The following TAFA1 variants were observed in gnomAD, a reference collection of about 807,000 sequenced individuals.
TAFA1 encodes chemokine-like protein TAFA-1.
TAFA1 carries 4 observed loss-of-function variants against 18.5 expected under a neutral mutation model. The observed-to-expected ratio is 0.22, with a 90% confidence interval of 0.11 to 0.49. TAFA1 has a LOEUF of 0.49. Among genes scored for constraint, TAFA1 ranks in the 20% least tolerant of loss-of-function variants. The pLI is 0.98. For synonymous variants in TAFA1, 56 were observed against 55.2 expected (o/e 1.01, Z -0.06); for missense variants, 147 against 169.0 (o/e 0.87, Z 0.72).
intron 2 of TAFA1, among the ~76,000 whole-genome samples, chr3:68,260,007 T>G (rs9757614): frequency 0.035 from 5,382 of 152,230 alleles, 142 homozygotes; most frequent in Non-Finnish European, 0.054. Flanking sequence ...GGCATCCCTG[T>G]CTTGTGCCAG....
intron 2 of TAFA1, among the ~76,000 whole-genome samples, chr3:68,200,200 T>C (rs1448002989): frequency 6.6e-6 from 1 of 151,570 alleles, no homozygotes; most frequent in African/African-American, 2.4e-5. Flanking sequence ...TTGATTATAG[T>C]GCATAATTCT....
intron 2 of TAFA1, among the ~76,000 whole-genome samples, chr3:68,063,880 G>A (rs1430034780): frequency 6.6e-6 from 1 of 152,122 alleles, no homozygotes; most frequent in South Asian, 2.1e-4. Context: ...AAGGCTGTTC[G>A]GAACCAGTGT....
At chr3:68,128,718 T>C (rs915733523) in intron 2 of TAFA1, among the ~76,000 whole-genome samples, 32 of 152,288 alleles carry the variant, frequency 2.1e-4, no homozygotes, top group African/African-American at 7.5e-4. Context: ...ACTCTGGGAA[T>C]CATTTAGCCA....
intron 2 of TAFA1, among the ~76,000 whole-genome samples, chr3:68,370,472 GTATATATA>G (rs749877780): frequency 0.41 from 13,568 of 33,110 alleles, 2,189 homozygotes; most frequent in Middle Eastern, 0.56. Context: ...GTGTGTGTGT[GTATATATA>G]TATATATATA....
intron 3 of TAFA1, among the ~76,000 whole-genome samples, chr3:68,455,819 T>C (rs112247897): frequency 0.017 from 2,633 of 152,302 alleles, 68 homozygotes; most frequent in African/African-American, 0.06. Flanking sequence ...GTAACACCAA[T>C]GGCATCTTCA....
At chr3:68,040,054 G>A (rs1252449020) in intron 2 of TAFA1, among the ~76,000 whole-genome samples, 1 of 152,172 alleles carries the variant, frequency 6.6e-6, no homozygotes, top group Admixed American at 6.6e-5. Context: ...CTGCTGGTAT[G>A]TGGAACGACA....
chr3:68,074,983 T>A (rs1191502114), intron 2 of TAFA1, among the ~76,000 whole-genome samples: 1 of 152,184 alleles, frequency 6.6e-6, no homozygotes, highest in Non-Finnish European at 1.5e-5. Context: ...ACCTTCCCCA[T>A]GAACCTGGCA....
intron 2 of TAFA1, among the ~76,000 whole-genome samples, chr3:68,369,685 C>T (rs1241472094): frequency 6.6e-6 from 1 of 152,200 alleles, no homozygotes; most frequent in East Asian, 1.9e-4. Flanking sequence ...TTTGCCATCA[C>T]TCACTCTCAC....
At chr3:68,010,279 T>C (rs1046498430) in intron 2 of TAFA1, among the ~76,000 whole-genome samples, 1 of 152,286 alleles carries the variant, frequency 6.6e-6, no homozygotes, top group East Asian at 1.9e-4. Flanking sequence ...CATGGTAATA[T>C]TGATGGTATT....
chr3:68,529,013 AT>A (rs1037053761), intron 3 of TAFA1, among the ~76,000 whole-genome samples: 4 of 151,652 alleles, frequency 2.6e-5, no homozygotes, highest in African/African-American at 4.8e-5. Flanking sequence ...TATAGGCACT[AT>A]TTTTTTTCTC....
At chr3:68,528,481 T>C (rs1253462067) in intron 3 of TAFA1, among the ~76,000 whole-genome samples, 2 of 152,206 alleles carry the variant, frequency 1.3e-5, no homozygotes, top group Non-Finnish European at 2.9e-5. Flanking sequence ...GGGAAGGTTA[T>C]CCAATGCCTT....
intron 2 of TAFA1, among the ~76,000 whole-genome samples, chr3:68,302,985 A>T (rs1230723462): frequency 1.3e-5 from 2 of 152,200 alleles, no homozygotes; most frequent in Non-Finnish European, 2.9e-5. Context: ...TTAAAATGGG[A>T]AAAATATTAG....
rs536470346 is a variant in TAFA1 at position 68,183,342 on chromosome 3, C to T, written c.118+176598C>T. 7.2e-5 allele frequency among the ~76,000 whole-genome samples: 11 copies of T among 152,222 alleles called. No individual in the cohort carries two copies. In the South Asian group the frequency reaches 1.2e-3, roughly 17 times the overall value. ...CCATGATTGGACAGCAATGTCATAA[C>T]ATCAGGAAATAAGGAACCAGAAGTC... On this transcript the variant is annotated intron_variant, in intron 2 of 4. Coordinates refer to ENST00000478136, the MANE Select transcript of TAFA1 (RefSeq NM_213609.4).
chr3:68,389,098 A>G (rs1265777491), intron 2 of TAFA1, among the ~76,000 whole-genome samples: 2 of 152,296 alleles, frequency 1.3e-5, no homozygotes, highest in South Asian at 4.1e-4. Flanking sequence ...AGAGTTCTGT[A>G]TTTTTGAAGT....
intron 2 of TAFA1, among the ~76,000 whole-genome samples, chr3:68,328,105 A>T (rs1399842549): frequency 6.6e-6 from 1 of 152,188 alleles, no homozygotes; most frequent in African/African-American, 2.4e-5. Flanking sequence ...TTACATTTTG[A>T]CACTGGCTAG....
intron 2 of TAFA1, among the ~76,000 whole-genome samples, chr3:68,202,414 G>A (rs919338104): frequency 1.3e-5 from 2 of 151,436 alleles, no homozygotes; most frequent in East Asian, 2.0e-4. Context: ...TCTATTTACT[G>A]TTTATGTTCT....
intron 2 of TAFA1, among the ~76,000 whole-genome samples, chr3:68,065,740 G>GTATATATATA (rs60396289): frequency 5.2e-5 from 7 of 133,420 alleles, no homozygotes; most frequent in Non-Finnish European, 1.1e-4. Context: ...GTGTGTGTGT[G>GTATATATATA]TATATATATA....
intron 3 of TAFA1, among the ~76,000 whole-genome samples, chr3:68,532,977 A>G (rs796378568): frequency 5.3e-5 from 8 of 151,728 alleles, no homozygotes; most frequent in African/African-American, 1.7e-4. Context: ...CACACCTGGG[A>G]AAAAGAGACA....
intron 2 of TAFA1, among the ~76,000 whole-genome samples, chr3:68,132,976 T>A (rs1011326055): frequency 6.6e-6 from 1 of 152,222 alleles, no homozygotes; most frequent in Admixed American, 6.5e-5. Context: ...GCCTAGGTTT[T>A]CTGCTAGGGT....
Sources: gnomAD v4.1 joint callset for allele counts (sites outside exome capture counted in the v4.1 genomes callset) on GRCh38, gnomAD v4.1.1 for gene constraint, MANE v1.5 for transcripts, NCBI Gene and HGNC (gene_info 2026-07-23, HGNC 2026-07-21) for gene names.